JMY: variants seen among roughly 807,000 people sequenced by gnomAD.
JMY encodes the protein junction mediating and regulatory protein, p53 cofactor, also known as junction-mediating and -regulatory protein.
Under a neutral mutation model 103.3 loss-of-function variants are expected in JMY, and 46 were observed. The observed-to-expected ratio is 0.45, with a 90% CI of 0.35 to 0.57. The LOEUF (loss-of-function observed/expected upper bound fraction) is 0.57. Among genes scored for constraint, JMY ranks in the 20% least tolerant of loss-of-function variants. The pLI is 0.00. For missense variants in JMY, 1,238 were observed against 1,255.2 expected (o/e 0.99, Z 0.21); for synonymous variants, 526 against 489.3 (o/e 1.07, Z -0.99).
intron 4 of JMY, among the ~76,000 whole-genome samples, chr5:79,294,190 G>A (rs2112101483): frequency 6.6e-6 from 1 of 152,210 alleles, no homozygotes; most frequent in African/African-American, 2.4e-5. Flanking sequence ...GATCACCTGA[G>A]GTCAGGAGTT....
At chr5:79,254,742 A>G (rs1162042479) in intron 1 of JMY, among the ~76,000 whole-genome samples, 2 of 151,588 alleles carry the variant, frequency 1.3e-5, no homozygotes, top group Non-Finnish European at 2.9e-5. Flanking sequence ...TTTCTACCCC[A>G]TCTCTCTACC....
chr5:79,263,648 G>T (rs1745492868), intron 1 of JMY, among the ~76,000 whole-genome samples: 1 of 151,802 alleles, frequency 6.6e-6, no homozygotes, highest in African/African-American at 2.4e-5. Context: ...CAAAGTGCTG[G>T]GATTGTAGGT....
At position 79,316,257 on chromosome 5, in the gene JMY, G is replaced by T. The variant is rs766069442; in HGVS notation, c.2917G>T (p.Glu973Ter). ...TAGAAGAATTAAAGAAGCATCCCCA[G>T]AGTCAGAGGACGAAGAGGAGGCTTT... The part of the protein sequence containing the change: ...ALRRIKEASP[E>*]SEDEEEALPC... Residue 973 changes from glutamate to a stop codon, truncating the protein, a stop_gained, in exon 10 of 11, where the codon GAG becomes TAG. Coordinates refer to ENST00000396137, the MANE Select transcript of JMY (RefSeq NM_152405.5). LOFTEE classifies it high-confidence loss of function. 1.2e-6 allele frequency: 2 copies of T among 1,613,790 alleles called. No individual in the cohort carries two copies. The highest frequency in any genetic ancestry group is 1.7e-6 in the Non-Finnish European group (2 of 1,179,850).
At chr5:79,258,768 T>G (rs1745331870) in intron 1 of JMY, among the ~76,000 whole-genome samples, 1 of 152,140 alleles carries the variant, frequency 6.6e-6, no homozygotes. Context: ...TTAAAGAGGG[T>G]GTCACCGCTC....
intron 6 of JMY, 23 bp downstream of exon 6, chr5:79,300,886 CATT>C (rs1351774977): frequency 6.4e-7 from 1 of 1,556,466 alleles, no homozygotes; most frequent in Non-Finnish European, 8.7e-7. Context: ...TGCTTTTGTT[CATT>C]ATTTAGTCTT....
Position 79,322,646 on chromosome 5 carries a change from T to G in JMY, c.*1044T>G, listed in dbSNP as rs953910772. ...CTGAATGGAATTTTGGGAGAATGCC[T>G]TTGTTATAGTCACTAAAATTTTAAA... On this transcript the variant is annotated 3_prime_UTR_variant, in exon 11 of 11. Transcript: ENST00000396137. 1.3e-5 allele frequency: 2 copies of G among 152,238 alleles called. No homozygotes were observed. Among genetic ancestry groups the G allele is most frequent in the Non-Finnish European group, 2.9e-5 (2 of 68,042 alleles). The allele number at this position is 152,238 out of a possible 1,614,324, so 9.4% of individuals were successfully genotyped here. A position where few individuals can be genotyped will look rare whatever the true frequency, so the allele number is the denominator to read the frequency against.
chr5:79,274,205 A>G (rs927769767), intron 1 of JMY, among the ~76,000 whole-genome samples: 3 of 152,036 alleles, frequency 2.0e-5, no homozygotes, highest in Non-Finnish European at 4.4e-5. Context: ...ACCATACTCT[A>G]TACCCATACA....
At chr5:79,316,344 T>C in intron 10 of JMY, 34 bp downstream of exon 10, 2 of 1,481,788 alleles carry the variant, frequency 1.3e-6, no homozygotes, top group Non-Finnish European at 9.2e-7. Flanking sequence ...TAGCATTCAG[T>C]AATACAGGTT....
chr5:79,285,957 C>T (rs976436390), intron 2 of JMY, among the ~76,000 whole-genome samples: 10 of 73,014 alleles, frequency 1.4e-4, no homozygotes, highest in African/African-American at 5.0e-4. Context: ...CTAGCTGACA[C>T]GCGCTTTTTT....
Position 79,291,419 on chromosome 5 carries a change from A to T in JMY, c.1527+120A>T, listed in dbSNP as rs956984761. On this transcript the variant is annotated intron_variant, in intron 4 of 10. Coordinates refer to ENST00000396137, the MANE Select transcript of JMY (RefSeq NM_152405.5). Reference sequence around the variant, plus strand: ...ATTTTATGCCATCTTCATGAGATGAAAACACTTAGAATAGGTCCTGTGACT... The same window carrying T: ...ATTTTATGCCATCTTCATGAGATGATAACACTTAGAATAGGTCCTGTGACT... The T allele has an allele frequency of 1.2e-5, 9 of 761,532 alleles. No individual in the cohort carries two copies. In the Admixed American group the frequency reaches 1.6e-4, roughly 13 times the overall value. The allele number at this position is 761,532 out of a possible 1,614,324, so 47.2% of individuals were successfully genotyped here.
intron 1 of JMY, among the ~76,000 whole-genome samples, chr5:79,252,554 A>G (rs1209788092): frequency 1.3e-5 from 2 of 152,126 alleles, no homozygotes; most frequent in African/African-American, 4.8e-5. Flanking sequence ...CTGCGCTGAA[A>G]GTGGGATGTT....
At chr5:79,254,621 G>T (rs1745183999) in intron 1 of JMY, among the ~76,000 whole-genome samples, 1 of 151,872 alleles carries the variant, frequency 6.6e-6, no homozygotes, top group Non-Finnish European at 1.5e-5. Flanking sequence ...TAAATGCCTT[G>T]TAGTCTTTAG....
intron 1 of JMY, among the ~76,000 whole-genome samples, chr5:79,259,984 AG>A (rs1360641782): frequency 2.0e-5 from 3 of 152,162 alleles, no homozygotes; most frequent in African/African-American, 7.2e-5. Flanking sequence ...CCTCTGCCTC[AG>A]GGCCCCTCTC....
At chr5:79,315,419 C>T (rs1747187171) in intron 9 of JMY, among the ~76,000 whole-genome samples, 1 of 151,888 alleles carries the variant, frequency 6.6e-6, no homozygotes, top group South Asian at 2.1e-4. Context: ...CTAAAAAGAG[C>T]AGAGAATAAC....
At chr5:79,246,881 C>CA (rs113796518) in intron 1 of JMY, among the ~76,000 whole-genome samples, 2,064 of 141,400 alleles carry the variant, frequency 0.015, 40 homozygotes, top group African/African-American at 0.046. Context: ...GACACCATCT[C>CA]AAAAAAAAAA....
chr5:79,287,905 CTGAG>C (rs1186764151), intron 2 of JMY, among the ~76,000 whole-genome samples: 1 of 152,078 alleles, frequency 6.6e-6, no homozygotes. Context: ...TTATAATATC[CTGAG>C]TAAGGGATTT....
chr5:79,257,768 CT>C (rs1366241367), intron 1 of JMY, among the ~76,000 whole-genome samples: 3 of 139,542 alleles, frequency 2.1e-5, no homozygotes. Context: ...AACAGATTAT[CT>C]TTTTTTTTTG....
chr5:79,237,548 T>C lies in JMY; in HGVS notation c.898T>C (p.Cys300Arg). Residue 300 changes from cysteine (C) to arginine (R), a missense_variant, in exon 1 of 11, where the codon TGC becomes CGC. Cys to Arg is a radical substitution (Grantham distance 180, BLOSUM62 -3). Coordinates refer to ENST00000396137, the MANE Select transcript of JMY (RefSeq NM_152405.5). ...CTACCTGGGCCACGGCCTGGACACC[T>C]GCGGCTGGAAGATCCTCTCCCAGGT... The part of the protein sequence containing the change: ...QVYLGHGLDT[C>R]GWKILSQVLF... 6.2e-7 allele frequency: 1 copy of C among 1,613,580 alleles called. No homozygotes were observed.
chr5:79,280,010 T>A (rs1746063153), intron 2 of JMY, among the ~76,000 whole-genome samples: 1 of 152,062 alleles, frequency 6.6e-6, no homozygotes, highest in Admixed American at 6.6e-5. Context: ...CGCCCAGCTG[T>A]TTTTTGTCGT....
Sources: allele counts gnomAD v4.1 joint callset (sites outside exome capture counted in the v4.1 genomes callset), GRCh38; gene constraint gnomAD v4.1.1; transcripts MANE v1.5; gene names NCBI Gene and HGNC (gene_info 2026-07-23, HGNC 2026-07-21).